Variants in ATP2B1 observed in about 807,000 individuals in gnomAD.
ATP2B1 encodes plasma membrane calcium-transporting ATPase 1.
ATP2B1 carries 14 observed loss-of-function variants against 124.2 expected under a neutral mutation model. That is an observed-to-expected ratio of 0.11 (90% CI 0.07 to 0.18). The LOEUF is 0.18. Among genes scored for constraint, ATP2B1 ranks in the 10% least tolerant of loss-of-function variants. The probability of loss-of-function intolerance (pLI) is 1.00; values close to 1 mark genes in which losing one functional copy is unlikely to be tolerated. For missense variants in ATP2B1, 763 were observed against 1,466.1 expected (o/e 0.52, Z 7.83); for synonymous variants, 449 against 492.4 (o/e 0.91, Z 1.17).
chr12:89,658,813 A>G (rs1042732457), intron 1 of ATP2B1, among the ~76,000 whole-genome samples: 2 of 152,180 alleles, frequency 1.3e-5, no homozygotes, highest in Admixed American at 6.5e-5. Context: ...TGATAAGCAC[A>G]TGAATATTAA....
chr12:89,695,998 C>A lies in ATP2B1; in HGVS notation c.-222+12598G>T, dbSNP rs565046620. On this transcript the variant is annotated intron_variant, in intron 1 of 20. Transcript: ENST00000428670. ...AGTGTCAGTGGATTCAAGCTCAAGA[C>A]CAGACACAAGAGGCTCATTCAAGAA... Among the ~76,000 whole-genome samples, 4 of 152,302 alleles carry A rather than the reference C, an allele frequency of 2.6e-5. No homozygotes were observed. In the South Asian group the frequency reaches 8.3e-4, roughly 32 times the overall value.
intron 2 of ATP2B1, among the ~76,000 whole-genome samples, chr12:89,646,581 T>G (rs539678586): frequency 5.9e-5 from 9 of 152,126 alleles, no homozygotes; most frequent in African/African-American, 2.2e-4. Context: ...TGGCTGACCA[T>G]GACAAATGAT....
intron 1 of ATP2B1, among the ~76,000 whole-genome samples, chr12:89,684,783 T>C (rs529577452): frequency 6.6e-6 from 1 of 152,306 alleles, no homozygotes; most frequent in Non-Finnish European, 1.5e-5. Flanking sequence ...CTTCTCTCCC[T>C]CTTGCCTATT....
In ATP2B1 at chr12:89,639,847, C is replaced by T. The variant is rs571291705; in HGVS notation, c.406+2311G>A. ...TGTCCTGGACCTTGCTGGTAATAAA[C>T]TCCACTTCTTGAAAGTATTTTTTCT... On this transcript the variant is annotated intron_variant, in intron 3 of 20. Coordinates refer to ENST00000428670, the MANE Select transcript of ATP2B1 (RefSeq NM_001366521.1). Among the ~76,000 whole-genome samples, 6 of 152,248 alleles carry T rather than the reference C, an allele frequency of 3.9e-5. No homozygotes were observed. In the East Asian group the frequency reaches 9.6e-4, roughly 24 times the overall value.
chr12:89,643,205 T>A (rs988283261), intron 2 of ATP2B1, among the ~76,000 whole-genome samples: 6 of 150,744 alleles, frequency 4.0e-5, no homozygotes, highest in African/African-American at 1.5e-4. Flanking sequence ...TATATATGTG[T>A]GTATATGTGT....
At chr12:89,626,225 T>TA (rs1329443840) in intron 8 of ATP2B1, among the ~76,000 whole-genome samples, 1 of 152,226 alleles carries the variant, frequency 6.6e-6, no homozygotes, top group African/African-American at 2.4e-5. Context: ...CACAGGCTTG[T>TA]AACTGGACAG....
chr12:89,614,778 C>T (rs1287791949), intron 12 of ATP2B1, among the ~76,000 whole-genome samples: 1 of 152,098 alleles, frequency 6.6e-6, no homozygotes, highest in African/African-American at 2.4e-5. Context: ...ACAGCGTATC[C>T]AAACCCAACA....
intron 1 of ATP2B1, among the ~76,000 whole-genome samples, chr12:89,698,194 T>C (rs917511797): frequency 6.6e-6 from 1 of 152,146 alleles, no homozygotes; most frequent in Non-Finnish European, 1.5e-5. Context: ...ATCAAGAACA[T>C]ATAAAGAAAT....
At chr12:89,686,844 T>G (rs1890023789) in intron 1 of ATP2B1, among the ~76,000 whole-genome samples, 2 of 152,102 alleles carry the variant, frequency 1.3e-5, no homozygotes, top group South Asian at 2.1e-4. Flanking sequence ...CACATACACA[T>G]TAAGAGAAAA....
intron 1 of ATP2B1, among the ~76,000 whole-genome samples, chr12:89,662,521 C>G (rs936342497): frequency 1.3e-5 from 2 of 152,174 alleles, no homozygotes; most frequent in Non-Finnish European, 1.5e-5. Context: ...ACATTTTTCA[C>G]TTCTTAAGGG....
chr12:89,703,132 T>C (rs902518738), intron 1 of ATP2B1, among the ~76,000 whole-genome samples: 3 of 152,178 alleles, frequency 2.0e-5, no homozygotes, highest in Non-Finnish European at 4.4e-5. Flanking sequence ...ATTAATTTTA[T>C]TATAAAATAT....
At chr12:89,592,987 C>CAA (rs998882533) in intron 20 of ATP2B1, among the ~76,000 whole-genome samples, 1 of 151,992 alleles carries the variant, frequency 6.6e-6, no homozygotes, top group Non-Finnish European at 1.5e-5. Flanking sequence ...TGCAGCTTTA[C>CAA]CATCTTTTAT....
intron 2 of ATP2B1, among the ~76,000 whole-genome samples, chr12:89,653,283 CTTTTTTTTTTTTTTT>C (rs149270069): frequency 3.9e-5 from 3 of 76,116 alleles, no homozygotes; most frequent in African/African-American, 1.5e-4. Context: ...GAATTTTTTT[CTTTTTTTTTTTTTTT>C]TTTTTTTTTG....
chr12:89,671,849 C>A (rs974962657), intron 1 of ATP2B1, among the ~76,000 whole-genome samples: 4 of 148,650 alleles, frequency 2.7e-5, no homozygotes, highest in Admixed American at 1.3e-4. Flanking sequence ...TAAATATGAA[C>A]CTGAGACAAA....
intron 10 of ATP2B1, among the ~76,000 whole-genome samples, chr12:89,620,469 A>T (rs1879775065): frequency 6.6e-6 from 1 of 152,180 alleles, no homozygotes; most frequent in African/African-American, 2.4e-5. Context: ...TTTGACAATT[A>T]CCCAACTGCT....
intron 15 of ATP2B1, among the ~76,000 whole-genome samples, chr12:89,606,637 G>C (rs755831408): frequency 6.8e-6 from 1 of 146,940 alleles, no homozygotes; most frequent in Non-Finnish European, 1.5e-5. Context: ...GCAGTGGTGC[G>C]ATCTCAGCTC....
intron 15 of ATP2B1, among the ~76,000 whole-genome samples, 173 bp from the exon 16 acceptor site, chr12:89,604,519 T>G (rs1009259455): frequency 6.6e-6 from 1 of 152,186 alleles, no homozygotes. Context: ...AGGAAAGACA[T>G]TCTGGTTTAG....
rs768509956 is a variant in ATP2B1, at chr12:89,655,923, A to G, written c.-37T>C. The G allele has an allele frequency of 2.6e-6, 4 of 1,516,318 alleles. No homozygotes were observed. Among genetic ancestry groups the G allele is most frequent in the Non-Finnish European group, 3.5e-6 (4 of 1,129,796 alleles). The allele number at this position is 1,516,318 out of a possible 1,614,324, so 93.9% of individuals were successfully genotyped here. ...TATATCAGAAGGAAAATGTTTCCCA[A>G]AAGAATTTAATTTTCACTTGATGTA... On this transcript the variant is annotated 5_prime_UTR_variant, in exon 2 of 21. Coordinates refer to ENST00000428670, the MANE Select transcript of ATP2B1 (RefSeq NM_001366521.1).
intron 1 of ATP2B1, among the ~76,000 whole-genome samples, chr12:89,694,346 C>A (rs1358364198): frequency 6.6e-6 from 1 of 152,140 alleles, no homozygotes; most frequent in East Asian, 1.9e-4. Flanking sequence ...TTAATGACAA[C>A]CTCAAACTCC....
Sources: gnomAD v4.1 joint callset for allele counts (sites outside exome capture counted in the v4.1 genomes callset) on GRCh38, gnomAD v4.1.1 for gene constraint, MANE v1.5 for transcripts, NCBI Gene and HGNC (gene_info 2026-07-23, HGNC 2026-07-21) for gene names.